Variants in NFIB observed in about 807,000 individuals in gnomAD.
The protein encoded by NFIB is nuclear factor I B.
NFIB carries 11 observed loss-of-function variants against 61.5 expected under a neutral mutation model. That is an observed-to-expected ratio of 0.18 (90% CI 0.11 to 0.30). NFIB has a LOEUF of 0.30. Among genes scored for constraint, NFIB ranks in the 10% least tolerant of loss-of-function variants. The pLI, the probability that NFIB is intolerant of heterozygous loss-of-function variation, is 1.00. For synonymous variants in NFIB, 260 were observed against 216.5 expected (o/e 1.20, Z -1.76); for missense variants, 471 against 608.9 (o/e 0.77, Z 2.38).
chr9:14,088,816 A>C (rs2033308764), intron 10 of NFIB, among the ~76,000 whole-genome samples: 1 of 152,190 alleles, frequency 6.6e-6, no homozygotes, highest in Non-Finnish European at 1.5e-5. Flanking sequence ...TACAATTGAA[A>C]AGTACGGTGA....
chr9:14,492,032 A>T, the NFIB span, among the ~76,000 whole-genome samples: 2 of 152,256 alleles, frequency 1.3e-5, no homozygotes, highest in East Asian at 1.9e-4. Flanking sequence ...GTTCATTCTC[A>T]TGCTGCTATG....
intron 6 of NFIB, among the ~76,000 whole-genome samples, chr9:14,131,221 T>C (rs2130941807): frequency 6.6e-6 from 1 of 152,332 alleles, no homozygotes; most frequent in East Asian, 1.9e-4. Flanking sequence ...TGTAGTTGAA[T>C]ATGGAATAAA....
At chr9:14,334,278 G>A (rs963198690) in intron 1 of NFIB, among the ~76,000 whole-genome samples, 7 of 152,060 alleles carry the variant, frequency 4.6e-5, no homozygotes, top group Admixed American at 1.3e-4. Context: ...GTAAATTTTC[G>A]TAGACAATGC....
At chr9:14,136,791 G>C (rs1158188299) in intron 6 of NFIB, among the ~76,000 whole-genome samples, 1 of 152,050 alleles carries the variant, frequency 6.6e-6, no homozygotes, top group Non-Finnish European at 1.5e-5. Flanking sequence ...GGTAGAAAAA[G>C]AATTACAAAA....
intron 1 of NFIB, among the ~76,000 whole-genome samples, chr9:14,344,340 G>T (rs1001376447): frequency 2.0e-5 from 3 of 151,948 alleles, no homozygotes; most frequent in African/African-American, 4.8e-5. Context: ...CGGGAGACTT[G>T]GCAGGTCGAC....
chr9:14,102,188 C>T (rs2035876481), intron 10 of NFIB, among the ~76,000 whole-genome samples: 1 of 151,496 alleles, frequency 6.6e-6, no homozygotes, highest in African/African-American at 2.4e-5. Context: ...TTGTAGAAAA[C>T]ATTTTATAGC....
exon 1 of NFIB, chr9:14,398,531 C>G (rs972532838): frequency 1.3e-6 from 2 of 1,533,346 alleles, no homozygotes; most frequent in African/African-American, 2.8e-5. Context: ...CACAGAAAAT[C>G]CAAAGCACAG....
At chr9:14,441,598 T>C in the NFIB span, among the ~76,000 whole-genome samples, 9 of 27,380 alleles carry the variant, frequency 3.3e-4, no homozygotes, top group Admixed American at 4.3e-3. Flanking sequence ...TTCTTCCTCT[T>C]TTTTTTTTTC....
intron 2 of NFIB, among the ~76,000 whole-genome samples, chr9:14,255,533 C>A (rs971245019): frequency 2.0e-5 from 3 of 152,134 alleles, no homozygotes; most frequent in African/African-American, 4.8e-5. Flanking sequence ...CCAGGGCATA[C>A]TGATGACCAG....
chr9:14,389,393 A>T (rs975088834), intron 1 of NFIB, among the ~76,000 whole-genome samples: 3 of 152,168 alleles, frequency 2.0e-5, no homozygotes, highest in Admixed American at 2.0e-4. Context: ...TGAGTCATTC[A>T]TATGCATTGC....
At chr9:14,463,011 A>G in the NFIB span, among the ~76,000 whole-genome samples, 1 of 152,204 alleles carries the variant, frequency 6.6e-6, no homozygotes, top group Non-Finnish European at 1.5e-5. Flanking sequence ...ACAATGGTAG[A>G]GTTTTCACAA....
At chr9:14,501,785 G>A in the NFIB span, among the ~76,000 whole-genome samples, 1 of 152,228 alleles carries the variant, frequency 6.6e-6, no homozygotes, top group Non-Finnish European at 1.5e-5. Flanking sequence ...ACGCCCAGAT[G>A]ACAATAGCAC....
chr9:14,350,112 C>G (rs1027253064), intron 1 of NFIB, among the ~76,000 whole-genome samples: 1 of 152,070 alleles, frequency 6.6e-6, no homozygotes, highest in Non-Finnish European at 1.5e-5. Context: ...CTGGGAAACC[C>G]GGAGTATTTT....
At chr9:14,312,820 C>A (rs1251148602) in intron 1 of NFIB, among the ~76,000 whole-genome samples, 1 of 152,196 alleles carries the variant, frequency 6.6e-6, no homozygotes, top group East Asian at 1.9e-4. Context: ...AACTCCTTAA[C>A]AATCACCAAG....
chr9:14,243,690 C>G (rs2054580317), intron 2 of NFIB, among the ~76,000 whole-genome samples: 1 of 152,082 alleles, frequency 6.6e-6, no homozygotes, highest in African/African-American at 2.4e-5. Flanking sequence ...TTTTTCTCAG[C>G]ATTTTTCTTC....
chr9:14,224,500 T>C (rs1184959648), intron 2 of NFIB, among the ~76,000 whole-genome samples: 3 of 152,162 alleles, frequency 2.0e-5, no homozygotes, highest in Non-Finnish European at 4.4e-5. Context: ...CAACCAACCA[T>C]GGAACAAAAA....
intron 1 of NFIB, chr9:14,322,370 C>CGGGGCTGCTCCAGGAGT (rs1448313033): frequency 8.3e-6 from 2 of 240,030 alleles, no homozygotes; most frequent in East Asian, 6.0e-5. Flanking sequence ...GTTGTTTTAG[C>CGGGGCTGCTCCAGGAGT]GGGGCTGCTC....
chr9:14,362,113 G>A (rs556245947), intron 1 of NFIB: 4 of 152,284 alleles, frequency 2.6e-5, no homozygotes, highest in African/African-American at 7.2e-5. Context: ...TTAGGTGAAT[G>A]GAGATAATTA....
Position 14,084,854 on chromosome 9 carries a change from G to GA in NFIB, c.*3454dup, listed in dbSNP as rs113768556. 15,751 of 228,780 alleles carry GA rather than the reference G, an allele frequency of 0.069. 2,366 individuals are homozygous for GA. The highest frequency in any genetic ancestry group is 0.32 in the African/African-American group (14,272 of 45,028). 14.2% of individuals were successfully genotyped at this position (228,780 alleles called of 1,614,324 possible). A position where few individuals can be genotyped will look rare whatever the true frequency, so the allele number is the denominator to read the frequency against. On this transcript the variant is annotated 3_prime_UTR_variant, in exon 11 of 11. Transcript: ENST00000380953. ...TAGTTTTATCTCAAAAAGGAAAGAAGAAAAAATTGATTTGAAATAAAAAAA... is the reference window on the plus strand; with the variant it reads ...TAGTTTTATCTCAAAAAGGAAAGAAGAAAAAAATTGATTTGAAATAAAAAAA...
Sources: allele counts gnomAD v4.1 joint callset (sites outside exome capture counted in the v4.1 genomes callset), GRCh38; gene constraint gnomAD v4.1.1; transcripts MANE v1.5; gene names NCBI Gene and HGNC (gene_info 2026-07-23, HGNC 2026-07-21).